The following ASPG variants were observed in gnomAD, a reference collection of about 807,000 sequenced individuals.
ASPG encodes 60 kDa lysophospholipase.
Under a neutral mutation model 63.2 loss-of-function variants are expected in ASPG, and 53 were observed. The observed-to-expected ratio is 0.84, with a 90% CI of 0.67 to 1.05. The LOEUF is 1.05. Among genes scored for constraint, ASPG ranks in the 50% least tolerant of loss-of-function variants. The pLI, the probability that ASPG is intolerant of heterozygous loss-of-function variation, is 0.00. For synonymous variants in ASPG, 370 were observed against 355.0 expected, an observed-to-expected ratio of 1.04 and a Z score of -0.48; for missense variants, 741 against 794.4, an observed-to-expected ratio of 0.93 and a Z score of 0.81.
At chr14:104,088,985 T>C (rs2036291833) in intron 1 of ASPG, among the ~76,000 whole-genome samples, 1 of 152,064 alleles carries the variant, frequency 6.6e-6, no homozygotes, top group African/African-American at 2.4e-5. Context: ...TACAAAATCA[T>C]AGTTAGGTGT....
intron 1 of ASPG, among the ~76,000 whole-genome samples, chr14:104,086,902 C>A (rs2036235976): frequency 6.6e-6 from 1 of 152,128 alleles, no homozygotes; most frequent in Non-Finnish European, 1.5e-5. Flanking sequence ...CAGGGCCTCC[C>A]CTGGCATGAC....
Position 104,085,728 on chromosome 14 carries a change from C to T in ASPG, c.-43C>T, listed in dbSNP as rs1239238682. ...CCCTGAGTCCCGCAGGCCCTGCGTC[C>T]CCGCTGCACACCCCCGTCCACTCCC... is the stretch of plus-strand genomic sequence containing the variant. On this transcript the variant is annotated 5_prime_UTR_variant, in exon 1 of 16. Transcript: ENST00000551177. 4.7e-6 allele frequency: 7 copies of T among 1,494,486 alleles called. No homozygotes were observed. In the African/African-American group the frequency reaches 7.3e-5, roughly 16 times the overall value. 92.6% of individuals were successfully genotyped at this position (1,494,486 alleles called of 1,614,324 possible).
At chr14:104,094,431 TC>T (rs35106498) in intron 3 of ASPG, among the ~76,000 whole-genome samples, 1 of 151,774 alleles carries the variant, frequency 6.6e-6, no homozygotes, top group Non-Finnish European at 1.5e-5. Context: ...ACCTGTGTGC[TC>T]CCCCTGCAGG....
intron 6 of ASPG, among the ~76,000 whole-genome samples, chr14:104,101,008 G>A (rs893240932): frequency 1.5e-4 from 23 of 152,306 alleles, no homozygotes; most frequent in African/African-American, 5.3e-4. Flanking sequence ...CGCCAGCACC[G>A]GGTGCTAAGC....
chr14:104,102,668 G>A (rs571197902), intron 6 of ASPG, among the ~76,000 whole-genome samples: 23 of 152,322 alleles, frequency 1.5e-4, no homozygotes, highest in East Asian at 5.8e-4. Context: ...CAGCCTTGGC[G>A]CTGGCCTCTG....
At position 104,104,665 on chromosome 14, in the gene ASPG, C is replaced by T. The variant is rs768510346; in HGVS notation, c.980C>T (p.Ser327Leu). The change falls in exon 9 of 16, where the codon TCG (serine) becomes TTG (leucine). Residue 327 changes from serine (S) to leucine (L), a missense_variant. Ser to Leu is a moderately radical substitution (Grantham distance 145). Coordinates refer to ENST00000551177, the MANE Select transcript of ASPG (RefSeq NM_001080464.3). ...AGVISGFDMT[S>L]EAALAKLSYV... is the part of the protein sequence containing the mutation. Reference sequence around the variant, plus strand: ...GTCATCTCAGGCTTCGACATGACATCGGAGGCCGCCCTGGCCAAGCTATCG... The same window carrying T: ...GTCATCTCAGGCTTCGACATGACATTGGAGGCCGCCCTGGCCAAGCTATCG... The T allele has an allele frequency of 2.6e-5, 42 of 1,610,856 alleles. No individual in the cohort carries two copies. The highest frequency in any genetic ancestry group is 1.0e-4 in the Admixed American group (6 of 59,906).
Position 104,095,440 on chromosome 14 carries a change from C to G in ASPG, c.304-91C>G, listed in dbSNP as rs1006415727. 2.5e-6 allele frequency: 4 copies of G among 1,568,684 alleles called. No homozygotes were observed. The Middle Eastern group carries it at 5.5e-4, about 214-fold the overall frequency. ...ACGGGTGCCTCCCCTGAGTCCTCCT[C>G]TCTGCATCCGGACCCTTTCCCCCAT... On this transcript the variant is annotated intron_variant, in intron 3 of 15. Transcript: ENST00000551177.
chr14:104,105,910 G>A (rs1836053100), intron 10 of ASPG, among the ~76,000 whole-genome samples: 1 of 152,256 alleles, frequency 6.6e-6, no homozygotes, highest in African/African-American at 2.4e-5. Flanking sequence ...CCTGGGGTCT[G>A]CAGGGGGATG....
At chr14:104,088,009 C>T (rs572110266) in intron 1 of ASPG, among the ~76,000 whole-genome samples, 15 of 152,286 alleles carry the variant, frequency 9.8e-5, no homozygotes, top group African/African-American at 3.1e-4. Flanking sequence ...AGCCCGTCCT[C>T]GTGTGGCTGC....
At chr14:104,090,695 C>T (rs60848392) in intron 1 of ASPG, among the ~76,000 whole-genome samples, 12,461 of 152,292 alleles carry the variant, frequency 0.082, 565 homozygotes, top group Middle Eastern at 0.13. Flanking sequence ...TCCCCGTGCC[C>T]TGTGGCCTTC....
In ASPG at chr14:104,110,063, C is replaced by T. The variant is rs1336904788; in HGVS notation, c.1520+748C>T. On this transcript the variant is annotated intron_variant, in intron 13 of 15. Transcript: ENST00000551177. This position sits in a 1 kb window ranked among gnomAD's most constrained non-coding sequence, Gnocchi z 4.7. ...CCATGCCTTGTGCCTGGTGACTTGG[C>T]GCTGCCTCCTGTGCCCAGCCTGGGC... The T allele has an allele frequency of 1.7e-5, 17 of 985,262 alleles. No individual in the cohort carries two copies. The highest frequency in any genetic ancestry group is 6.1e-5 in the Admixed American group (1 of 16,272). 61.0% of individuals were successfully genotyped at this position (985,262 alleles called of 1,614,324 possible). A position where few individuals can be genotyped will look rare whatever the true frequency, so the allele number is the denominator to read the frequency against.
chr14:104,107,000 C>T, intron 11 of ASPG, 106 bp downstream of exon 11: 1 of 1,319,588 alleles, frequency 7.6e-7, no homozygotes, highest in Non-Finnish European at 1.0e-6. Flanking sequence ...CCACACTAAG[C>T]CCTTGTCAGC....
chr14:104,110,775 G>A lies in ASPG; in HGVS notation c.1521-727G>A, dbSNP rs1446492816. 1 of 985,174 alleles carries A rather than the reference G, an allele frequency of 1.0e-6. No individual in the cohort carries two copies. The allele number at this position is 985,174 out of a possible 1,614,324, so 61.0% of individuals were successfully genotyped here. On this transcript the variant is annotated intron_variant, in intron 13 of 15. Transcript: ENST00000551177. This position sits in a 1 kb window ranked among gnomAD's most constrained non-coding sequence, Gnocchi z 4.7. ...CCCCCAGCCCCTGCACACCATGGGTGGGTGGAGCCTTCCCTGCCGGGTCCC... is the reference window on the plus strand; with the variant it reads ...CCCCCAGCCCCTGCACACCATGGGTAGGTGGAGCCTTCCCTGCCGGGTCCC...
rs1005704538 is a variant in ASPG at position 104,109,674 on chromosome 14, TG to T, written c.1520+365del. On this transcript the variant is annotated intron_variant, in intron 13 of 15. Coordinates refer to ENST00000551177, the MANE Select transcript of ASPG (RefSeq NM_001080464.3). The surrounding 1 kb of genome is among the most constrained non-coding windows in gnomAD (Gnocchi z 4.8). The stretch of plus-strand genomic sequence containing the variant: ...GTGTGAGAGGGGCTGGGGTGTGGAC[TG>T]GGGGGTGGCTGGGGCTGCATTTGGG... 1.1e-4 allele frequency among the ~76,000 whole-genome samples: 1 copy of T among 9,286 alleles called. No homozygotes were observed. Among genetic ancestry groups the T allele is most frequent in the African/African-American group, 4.4e-4 (1 of 2,260 alleles). The allele number at this position is 9,286 out of a possible 152,430, so 6.1% of individuals were successfully genotyped here. A position where few individuals can be genotyped will look rare whatever the true frequency, so the allele number is the denominator to read the frequency against.
Position 104,109,298 on chromosome 14 carries a change from A to C in ASPG, c.1503A>C (p.Ala501=). The C allele has an allele frequency of 6.2e-7, 1 of 1,611,946 alleles. No individual in the cohort carries two copies. Among genetic ancestry groups the C allele is most frequent in the Non-Finnish European group, 8.5e-7 (1 of 1,179,396 alleles). ...ASLSTQELEE[A]GTELCRLAYR... ...TGTCCACCCAGGAGCTGGAGGAAGC[A>C]GGGACGGAGCTGTGCAGGTGAGTGC... is the stretch of plus-strand genomic sequence containing the variant. The change falls in exon 13 of 16, where the codon GCA becomes GCC. Residue 501 remains alanine (A), a synonymous_variant. Coordinates refer to ENST00000551177, the MANE Select transcript of ASPG (RefSeq NM_001080464.3). This position sits in a 1 kb window ranked among gnomAD's most constrained non-coding sequence, Gnocchi z 4.8.
Position 104,092,660 on chromosome 14 carries a change from C to T in ASPG, c.110C>T (p.Ala37Val), listed in dbSNP as rs2036404026. 6.5e-7 allele frequency: 1 copy of T among 1,537,006 alleles called. No individual in the cohort carries two copies. Residue 37 changes from alanine (A) to valine (V), a missense_variant, in exon 2 of 16, where the codon GCC becomes GTC. Ala to Val is a moderately conservative substitution (Grantham distance 64). Transcript: ENST00000551177. ...CTTGTGCCCGGGACGGGCCTGGCTGCCATCCTGAGGACACTGCCCATGTTC... is the reference window on the plus strand; with the variant it reads ...CTTGTGCCCGGGACGGGCCTGGCTGTCATCCTGAGGACACTGCCCATGTTC... ...GVLVPGTGLA[A>V]ILRTLPMFHD... is the part of the protein sequence containing the mutation.
At chr14:104,089,392 G>A (rs1053452278) in intron 1 of ASPG, among the ~76,000 whole-genome samples, 41 of 151,936 alleles carry the variant, frequency 2.7e-4, no homozygotes, top group African/African-American at 9.7e-4. Flanking sequence ...GGTGGCAGAT[G>A]CCTGTGGTCC....
chr14:104,110,029 C>T lies in ASPG; in HGVS notation c.1520+714C>T, dbSNP rs2037320130. ...CTGTCCGCCACAGCCAGAATCGCTG[C>T]CCCCCACCCCATGCCTTGTGCCTGG... On this transcript the variant is annotated intron_variant, in intron 13 of 15. Coordinates refer to ENST00000551177, the MANE Select transcript of ASPG (RefSeq NM_001080464.3). The surrounding 1 kb of genome is among the most constrained non-coding windows in gnomAD (Gnocchi z 4.7). 20 of 985,248 alleles carry T rather than the reference C, an allele frequency of 2.0e-5. No homozygotes were observed. Among genetic ancestry groups the T allele is most frequent in the Non-Finnish European group, 2.4e-5 (20 of 829,918 alleles). 61.0% of individuals were successfully genotyped at this position (985,248 alleles called of 1,614,324 possible). A position where few individuals can be genotyped will look rare whatever the true frequency, so the allele number is the denominator to read the frequency against.
chr14:104,097,859 G>GAAGTTTCTATAAAAAC, intron 5 of ASPG, among the ~76,000 whole-genome samples: 1 of 135,818 alleles, frequency 7.4e-6, no homozygotes, highest in African/African-American at 2.8e-5. Flanking sequence ...GATGCATATG[G>GAAGTTTCTATAAAAAC]AGGTTCTACG....
Sources: gnomAD v4.1 joint callset for allele counts (sites outside exome capture counted in the v4.1 genomes callset) on GRCh38, gnomAD v4.1.1 for gene constraint, Gnocchi (gnomAD v3.1) non-coding constraint, MANE v1.5 for transcripts, NCBI Gene and HGNC (gene_info 2026-07-23, HGNC 2026-07-21) for gene names.